The following CHD2 variants were observed in gnomAD, a reference collection of about 807,000 sequenced individuals.
CHD2 encodes the protein ATP-dependent chromatin remodeler CHD2.
In CHD2, 28 loss-of-function variants were observed where a neutral mutation model predicts 243.9. The observed-to-expected ratio is 0.11, with a 90% confidence interval of 0.09 to 0.16. The LOEUF (loss-of-function observed/expected upper bound fraction) is 0.16, where lower values mean the gene tolerates loss of function less well. Ranked by LOEUF, CHD2 falls within the 10% of genes least tolerant of loss-of-function variation. CHD2 has a pLI of 1.00. For missense variants in CHD2, 1,386 were observed against 2,209.8 expected (o/e 0.63, Z 7.47); for synonymous variants, 775 against 779.0 (o/e 0.99, Z 0.09).
intron 38 of CHD2, chr15:93,021,955 A>T (rs959118135): frequency 6.6e-6 from 1 of 152,108 alleles, no homozygotes; most frequent in Non-Finnish European, 1.5e-5. Flanking sequence ...GAGCTTTGTT[A>T]TGAGTTGCAG....
chr15:93,012,663 C>T (rs2054407757), intron 36 of CHD2, among the ~76,000 whole-genome samples: 1 of 152,144 alleles, frequency 6.6e-6, no homozygotes, highest in Admixed American at 6.5e-5. Flanking sequence ...GTTTTTAGGT[C>T]CTAAAATCAT....
rs1344165685 is a variant in CHD2, at chr15:93,024,556, T to C, written c.5338T>C (p.Leu1780=). The C allele has an allele frequency of 1.4e-5, 22 of 1,614,006 alleles. No individual in the cohort carries two copies. The highest frequency in any genetic ancestry group is 1.9e-5 in the Non-Finnish European group (22 of 1,180,044). The stretch of plus-strand genomic sequence containing the variant: ...GGAATATAAACAGCCTCTACCCCCA[T>C]TGCACCCTGCAGTCTCAGATCCTCG... ...LGEYKQPLPP[L]HPAVSDPRSP... The change falls in exon 39 of 39, where the codon TTG becomes CTG. Residue 1780 remains leucine, a synonymous_variant. Coordinates refer to ENST00000394196, the MANE Select transcript of CHD2 (RefSeq NM_001271.4).
chr15:92,928,947 G>T, intron 4 of CHD2, 83 bp from the exon 5 acceptor site: 1 of 1,302,366 alleles, frequency 7.7e-7, no homozygotes, highest in South Asian at 1.3e-5. Flanking sequence ...ATATTGAGTA[G>T]ACTGTTGATC....
intron 16 of CHD2, 75 bp from the exon 17 acceptor site, chr15:92,967,250 A>T (rs576424309): frequency 1.8e-6 from 2 of 1,083,806 alleles, no homozygotes; most frequent in East Asian, 5.1e-5. Flanking sequence ...GGAAAGATTC[A>T]TTTTTTTACA....
intron 20 of CHD2, among the ~76,000 whole-genome samples, chr15:92,977,264 TTTAA>T (rs1410777402): frequency 2.0e-5 from 3 of 152,246 alleles, no homozygotes; most frequent in African/African-American, 7.2e-5. Context: ...ATTGGAATTG[TTTAA>T]TTAAAATTCT....
intron 26 of CHD2, among the ~76,000 whole-genome samples, chr15:92,990,815 C>G (rs2054108484): frequency 6.6e-6 from 1 of 152,152 alleles, no homozygotes; most frequent in Admixed American, 6.5e-5. Flanking sequence ...GTGGAAAGTA[C>G]TGGTGACCAG....
In CHD2 at chr15:93,009,234, C is replaced by T. The variant is rs2054360183; in HGVS notation, c.4503C>T (p.His1501=). 5 of 1,614,236 alleles carry T rather than the reference C, an allele frequency of 3.1e-6. No homozygotes were observed. In the African/African-American group the frequency reaches 5.3e-5, roughly 17 times the overall value. ...TCAACGTGCAAGAACAGCTGGAACACACCCGGAACTGCCTGCTGAAAATCG... is the reference window on the plus strand; with the variant it reads ...TCAACGTGCAAGAACAGCTGGAACATACCCGGAACTGCCTGCTGAAAATCG... The part of the protein sequence containing the change: ...KGLNVQEQLE[H]TRNCLLKIGD... The change falls in exon 35 of 39, where the codon CAC becomes CAT. Residue 1501 remains histidine, a synonymous_variant. Transcript: ENST00000394196.
At chr15:92,925,720 A>G (rs527712487) in intron 3 of CHD2, among the ~76,000 whole-genome samples, 5 of 151,998 alleles carry the variant, frequency 3.3e-5, no homozygotes, top group African/African-American at 1.2e-4. Flanking sequence ...TATATTTCCT[A>G]CCATTTGGTT....
At chr15:92,981,529 T>C in intron 24 of CHD2, 72 bp downstream of exon 24, 3 of 1,216,636 alleles carry the variant, frequency 2.5e-6, no homozygotes, top group Admixed American at 1.9e-5. Flanking sequence ...ATGAACGCTT[T>C]CTTTGTGCTA....
chr15:92,942,054 T>C, intron 8 of CHD2, 99 bp downstream of exon 8: 1 of 1,149,590 alleles, frequency 8.7e-7, no homozygotes. Flanking sequence ...AGTCTACTGC[T>C]GTATTTGTTG....
rs1448025355 is a variant in CHD2, at chr15:92,900,572, T to C, written c.-324T>C. On this transcript the variant is annotated 5_prime_UTR_variant, in exon 1 of 39. Coordinates refer to ENST00000394196, the MANE Select transcript of CHD2 (RefSeq NM_001271.4). ...GCAGCCGTACTGAGAGCCCAGGTCG[T>C]TGTTTTTTCCAGCTTAGAAGCCATG... 2.5e-6 allele frequency: 1 copy of C among 398,536 alleles called. No homozygotes were observed. Among genetic ancestry groups the C allele is most frequent in the Admixed American group, 4.4e-5 (1 of 22,714 alleles). 24.7% of individuals were successfully genotyped at this position (398,536 alleles called of 1,614,324 possible).
At position 92,941,703 on chromosome 15, in the gene CHD2, T is replaced by G. The variant is rs923945666; in HGVS notation, c.693-119T>G. The G allele has an allele frequency of 2.8e-5, 29 of 1,035,054 alleles. No individual in the cohort carries two copies. In the Admixed American group the frequency reaches 4.2e-4, roughly 15 times the overall value. The allele number at this position is 1,035,054 out of a possible 1,614,324, so 64.1% of individuals were successfully genotyped here. ...GAGCCTACTGTAAATGGCAGATCTA[T>G]AAAACAACATGCTTTTGGAACCAAA... On this transcript the variant is annotated intron_variant, in intron 7 of 38. Coordinates refer to ENST00000394196, the MANE Select transcript of CHD2 (RefSeq NM_001271.4).
Position 93,000,535 on chromosome 15 carries a change from T to G in CHD2, c.4032T>G (p.Pro1344=), listed in dbSNP as rs547927047. 8 of 1,612,066 alleles carry G rather than the reference T, an allele frequency of 5.0e-6. No homozygotes were observed. In the Admixed American group the frequency reaches 1.0e-4, roughly 20 times the overall value. Residue 1344 remains proline, a synonymous_variant, in exon 32 of 39, where the codon CCT becomes CCG. Coordinates refer to ENST00000394196, the MANE Select transcript of CHD2 (RefSeq NM_001271.4). The part of the protein sequence containing the change: ...GEEAKLKKRK[P]RVKKENKVPR... The stretch of plus-strand genomic sequence containing the variant: ...AGGCCAAATTAAAGAAGCGGAAGCC[T>G]CGGGTAAAGAAGGAAAACAAAGTGC...
intron 28 of CHD2, among the ~76,000 whole-genome samples, chr15:92,995,492 G>C (rs999110105): frequency 9.8e-5 from 5 of 51,046 alleles, no homozygotes; most frequent in African/African-American, 1.3e-4. Context: ...GTGTGTGTGC[G>C]TGTGTATTTT....
chr15:92,951,137 G>C (rs758812066), intron 13 of CHD2, among the ~76,000 whole-genome samples: 114 of 152,050 alleles, frequency 7.5e-4, no homozygotes, highest in Non-Finnish European at 1.5e-3. Flanking sequence ...ATGGTGTTTT[G>C]TGTACAGTCC....
At chr15:92,926,273 A>G (rs1472564601) in intron 3 of CHD2, among the ~76,000 whole-genome samples, 2 of 152,218 alleles carry the variant, frequency 1.3e-5, no homozygotes, top group African/African-American at 4.8e-5. Flanking sequence ...ACTTTTAAAT[A>G]CAAACATTTC....
chr15:92,989,353 T>C (rs1456415992), intron 26 of CHD2, among the ~76,000 whole-genome samples: 2 of 152,128 alleles, frequency 1.3e-5, no homozygotes, highest in African/African-American at 4.8e-5. Context: ...TTTCTATATG[T>C]CCCGTAATTT....
At position 93,024,461 on chromosome 15, in the gene CHD2, G is replaced by C; in HGVS notation, c.5243G>C (p.Arg1748Pro). Reference protein sequence around the residue: ...QQDFRRMSDHRPAMGYHGQGP... With the variant: ...QQDFRRMSDHPPAMGYHGQGP... ...GATTTCCGACGAATGTCTGATCACC[G>C]CCCCGCTATGGGCTACCATGGCCAG... Residue 1748 changes from arginine (R) to proline (P), a missense_variant, in exon 39 of 39, where the codon CGC becomes CCC. Physicochemically the swap from Arg to Pro is moderately radical, Grantham distance 103. Around this residue, in one of 19 missense-constraint regions of CHD2, gnomAD observed 347 missense variants for 341.6 expected, o/e 1.02. Transcript: ENST00000394196. 5 of 1,614,134 alleles carry C rather than the reference G, an allele frequency of 3.1e-6. No homozygotes were observed. The highest frequency in any genetic ancestry group is 4.2e-6 in the Non-Finnish European group (5 of 1,180,032).
intron 34 of CHD2, among the ~76,000 whole-genome samples, chr15:93,007,681 T>A (rs1008057870): frequency 2.6e-5 from 4 of 151,766 alleles, no homozygotes; most frequent in Non-Finnish European, 4.4e-5. Context: ...TGAAATTTTC[T>A]TGAATTATAT....
Sources: gnomAD v4.1 joint callset for allele counts (sites outside exome capture counted in the v4.1 genomes callset) on GRCh38, gnomAD v4.1.1 for gene constraint, gnomAD v4.1.1 regional missense constraint, MANE v1.5 for transcripts, NCBI Gene and HGNC (gene_info 2026-07-23, HGNC 2026-07-21) for gene names.